Variants in ANKS1B observed in about 807,000 individuals in gnomAD.
The protein encoded by ANKS1B is ankyrin repeat and sterile alpha motif domain containing 1B.
Under a neutral mutation model 148.3 loss-of-function variants are expected in ANKS1B, and 36 were observed. The observed-to-expected ratio is 0.24, with a 90% CI of 0.19 to 0.32. The LOEUF (loss-of-function observed/expected upper bound fraction) is 0.32. Ranked by LOEUF, ANKS1B falls within the 10% of genes least tolerant of loss-of-function variation. The pLI is 1.00. For missense variants in ANKS1B, 1,157 were observed against 1,542.6 expected (o/e 0.75, Z 4.19); for synonymous variants, 542 against 560.8 (o/e 0.97, Z 0.47).
At chr12:99,651,902 T>G (rs1427065612) in intron 9 of ANKS1B, among the ~76,000 whole-genome samples, 2 of 151,836 alleles carry the variant, frequency 1.3e-5, no homozygotes, top group Non-Finnish European at 2.9e-5. Context: ...AAATTGTGTA[T>G]GTGTGTATGT....
At chr12:99,203,968 G>A (rs2153900542) in intron 14 of ANKS1B, among the ~76,000 whole-genome samples, 1 of 152,286 alleles carries the variant, frequency 6.6e-6, no homozygotes, top group African/African-American at 2.4e-5. Context: ...CAGGAGAAGT[G>A]TATGTTGTAT....
intron 17 of ANKS1B, among the ~76,000 whole-genome samples, chr12:98,866,028 T>C (rs2099622808): frequency 6.6e-6 from 1 of 152,092 alleles, no homozygotes; most frequent in Admixed American, 6.6e-5. Flanking sequence ...AGGGTGTCTC[T>C]AGGTTGTTGT....
At chr12:98,838,761 C>A (rs2099389410) in intron 17 of ANKS1B, among the ~76,000 whole-genome samples, 1 of 152,198 alleles carries the variant, frequency 6.6e-6, no homozygotes, top group Admixed American at 6.5e-5. Flanking sequence ...TTCAGAGTAG[C>A]CTCTTCTAAT....
At chr12:99,475,103 G>T (rs2096296463) in intron 10 of ANKS1B, among the ~76,000 whole-genome samples, 1 of 151,516 alleles carries the variant, frequency 6.6e-6, no homozygotes, top group African/African-American at 2.4e-5. Context: ...AATTAGCTAG[G>T]CATGGTGGCA....
intron 10 of ANKS1B, among the ~76,000 whole-genome samples, chr12:99,486,869 T>G (rs1284716757): frequency 1.3e-5 from 2 of 152,166 alleles, no homozygotes; most frequent in African/African-American, 4.8e-5. Context: ...ACCCTGACCC[T>G]GTAGGGTGCT....
At chr12:99,022,857 T>A (rs1171307807) in intron 17 of ANKS1B, among the ~76,000 whole-genome samples, 1 of 152,048 alleles carries the variant, frequency 6.6e-6, no homozygotes, top group Non-Finnish European at 1.5e-5. Flanking sequence ...TTAAGTAGGT[T>A]TTTCATACAT....
rs1420613090 is a variant in ANKS1B, at chr12:98,738,899, C to A, written c.691-3265G>T. Among the ~76,000 whole-genome samples the A allele has an allele frequency of 2.0e-5, 3 of 152,162 alleles. No homozygotes were observed. The East Asian group carries it at 5.8e-4, about 29-fold the overall frequency. On this transcript the variant is annotated intron_variant, in intron 9 of 9. Coordinates refer to the ANKS1B transcript ENST00000341752. ...AGCCCTTCATCTTGGGCTTATTGCCCTACTTGCTGTCAATTAACCTCTGGA... is the reference window on the plus strand; with the variant it reads ...AGCCCTTCATCTTGGGCTTATTGCCATACTTGCTGTCAATTAACCTCTGGA...
At chr12:99,398,674 T>C (rs1247557977) in intron 12 of ANKS1B, among the ~76,000 whole-genome samples, 2 of 152,142 alleles carry the variant, frequency 1.3e-5, no homozygotes, top group East Asian at 3.8e-4. Flanking sequence ...TGCTGTAACC[T>C]GAAACCAGTT....
At chr12:99,605,997 G>T (rs1321672708) in intron 9 of ANKS1B, among the ~76,000 whole-genome samples, 6 of 151,866 alleles carry the variant, frequency 4.0e-5, no homozygotes, top group Non-Finnish European at 8.8e-5. Context: ...ACCAGCATTT[G>T]TTATTTTTGT....
chr12:99,328,392 C>T (rs2152257724), intron 12 of ANKS1B, among the ~76,000 whole-genome samples: 1 of 152,004 alleles, frequency 6.6e-6, no homozygotes, highest in African/African-American at 2.4e-5. Flanking sequence ...AGGAAATAAC[C>T]CAACACTGGG....
At chr12:99,676,856 A>G (rs533671052) in intron 8 of ANKS1B, among the ~76,000 whole-genome samples, 2 of 152,204 alleles carry the variant, frequency 1.3e-5, no homozygotes, top group African/African-American at 4.8e-5. Context: ...GATCCCTAAG[A>G]CTATTGTTCT....
chr12:99,213,984 A>G (rs2083744230), intron 14 of ANKS1B, among the ~76,000 whole-genome samples: 2 of 152,128 alleles, frequency 1.3e-5, no homozygotes, highest in Admixed American at 6.5e-5. Flanking sequence ...TGTGTGGAAA[A>G]ACTTGGGCCT....
intron 1 of ANKS1B, among the ~76,000 whole-genome samples, chr12:99,854,163 C>G (rs758484395): frequency 3.5e-4 from 53 of 152,164 alleles, no homozygotes; most frequent in Non-Finnish European, 5.7e-4. Context: ...AGGTGCCCAC[C>G]ACCGCGCCCA....
chr12:99,545,742 A>T (rs2097167042), intron 9 of ANKS1B, among the ~76,000 whole-genome samples: 2 of 146,966 alleles, frequency 1.4e-5, no homozygotes, highest in Non-Finnish European at 3.0e-5. Context: ...CAATATATAT[A>T]TACACACACA....
chr12:99,820,467 C>G (rs2082372627), intron 2 of ANKS1B, among the ~76,000 whole-genome samples: 1 of 151,848 alleles, frequency 6.6e-6, no homozygotes, highest in African/African-American at 2.4e-5. Context: ...ATTCTATGAA[C>G]TTTAGCCTAC....
intron 2 of ANKS1B, 52 bp downstream of exon 2, chr12:99,825,257 T>G: frequency 6.9e-7 from 1 of 1,451,794 alleles, no homozygotes. Context: ...ATAATTAACT[T>G]CATCACATGT....
chr12:99,001,666 T>C (rs1248614166), intron 17 of ANKS1B, among the ~76,000 whole-genome samples: 1 of 152,210 alleles, frequency 6.6e-6, no homozygotes, highest in Non-Finnish European at 1.5e-5. Context: ...GGTGAGAACA[T>C]ACAATATCTA....
chr12:99,182,542 C>T (rs2079245995), intron 14 of ANKS1B, among the ~76,000 whole-genome samples: 1 of 152,234 alleles, frequency 6.6e-6, no homozygotes, highest in South Asian at 2.1e-4. Flanking sequence ...ATATGTATTA[C>T]ATTTTCTTTA....
chr12:98,953,587 C>T (rs964730190), intron 17 of ANKS1B, among the ~76,000 whole-genome samples: 13 of 102,674 alleles, frequency 1.3e-4, no homozygotes, highest in African/African-American at 5.2e-4. Context: ...ACCTCTTTCT[C>T]TAGAGCCCTC....
Sources: gnomAD v4.1 joint callset for allele counts (sites outside exome capture counted in the v4.1 genomes callset) on GRCh38, gnomAD v4.1.1 for gene constraint, MANE v1.5 for transcripts, NCBI Gene and HGNC (gene_info 2026-07-23, HGNC 2026-07-21) for gene names.